Variants in ULK4 observed in about 807,000 individuals in gnomAD.
ULK4 encodes the protein inactive serine/threonine-protein kinase ULK4.
Under a neutral mutation model 160.6 loss-of-function variants are expected in ULK4, and 133 were observed. The observed-to-expected ratio is 0.83, with a 90% CI of 0.72 to 0.96. ULK4 has a LOEUF of 0.96. Among genes scored for constraint, ULK4 ranks in the 40% least tolerant of loss-of-function variants. The pLI, the probability that ULK4 is intolerant of heterozygous loss-of-function variation, is 0.00. For missense variants in ULK4, 1,580 were observed against 1,499.5 expected (o/e 1.05, Z -0.89); for synonymous variants, 534 against 539.8 (o/e 0.99, Z 0.15).
intron 7 of ULK4, 80 bp downstream of exon 7, chr3:41,918,374 CAAT>C (rs1699046037): frequency 1.2e-6 from 1 of 847,148 alleles, no homozygotes; most frequent in Admixed American, 3.0e-5. Context: ...AGTTATGAAT[CAAT>C]AAAAGCAAAC....
chr3:41,813,947 G>A (rs2040890056), intron 19 of ULK4, among the ~76,000 whole-genome samples: 1 of 152,210 alleles, frequency 6.6e-6, no homozygotes, highest in Non-Finnish European at 1.5e-5. Context: ...GAGTTGCCCA[G>A]TGTGTCTTGG....
intron 29 of ULK4, among the ~76,000 whole-genome samples, chr3:41,678,225 C>G (rs1262250510): frequency 6.8e-5 from 10 of 146,648 alleles, no homozygotes; most frequent in Non-Finnish European, 1.0e-4. Flanking sequence ...CACACACACA[C>G]AGAGCTCCTA....
chr3:41,296,476 T>C (rs2125707272), intron 35 of ULK4, among the ~76,000 whole-genome samples: 1 of 152,248 alleles, frequency 6.6e-6, no homozygotes, highest in African/African-American at 2.4e-5. Context: ...TCCTGGCCGA[T>C]GCTGGGGTCA....
At chr3:41,408,801 C>G (rs9833414) in intron 34 of ULK4, among the ~76,000 whole-genome samples, 32,791 of 152,044 alleles carry the variant, frequency 0.22, 3,961 homozygotes, top group African/African-American at 0.32. Context: ...CCCAGACAAA[C>G]CTTTACATAT....
At chr3:41,296,997 T>C (rs969115414) in intron 35 of ULK4, among the ~76,000 whole-genome samples, 3 of 152,162 alleles carry the variant, frequency 2.0e-5, no homozygotes, top group Non-Finnish European at 4.4e-5. Flanking sequence ...TCATCCCACA[T>C]GTTTTCCTGT....
At chr3:41,268,192 T>C (rs1308699644) in intron 35 of ULK4, among the ~76,000 whole-genome samples, 10 of 152,178 alleles carry the variant, frequency 6.6e-5, no homozygotes, top group East Asian at 1.9e-4. Context: ...ACAATGTCAA[T>C]AGTGCCGAGG....
At chr3:41,736,158 G>A (rs1438424602) in intron 22 of ULK4, among the ~76,000 whole-genome samples, 1 of 151,616 alleles carries the variant, frequency 6.6e-6, no homozygotes, top group African/African-American at 2.4e-5. Flanking sequence ...ACATACGTGT[G>A]CATGTGTCTT....
intron 21 of ULK4, among the ~76,000 whole-genome samples, chr3:41,771,592 T>G (rs1253699006): frequency 6.6e-6 from 1 of 151,798 alleles, no homozygotes; most frequent in East Asian, 1.9e-4. Flanking sequence ...TTACAATGCT[T>G]TTCCTTTCAA....
intron 17 of ULK4, among the ~76,000 whole-genome samples, chr3:41,877,213 G>T (rs1178595916): frequency 6.6e-6 from 1 of 151,870 alleles, no homozygotes; most frequent in Non-Finnish European, 1.5e-5. Context: ...TATCCCAAGG[G>T]AAAAAAAGTA....
chr3:41,731,675 G>GA (rs2037829471), intron 22 of ULK4, among the ~76,000 whole-genome samples: 1 of 136,966 alleles, frequency 7.3e-6, no homozygotes, highest in African/African-American at 3.2e-5. Flanking sequence ...CAATTTTGGG[G>GA]GAAAAAAAAA....
At chr3:41,921,724 C>T (rs937816222) in intron 5 of ULK4, among the ~76,000 whole-genome samples, 6 of 152,162 alleles carry the variant, frequency 3.9e-5, no homozygotes, top group Non-Finnish European at 5.9e-5. Flanking sequence ...ATACACAAAA[C>T]AGTATATTAT....
chr3:41,594,049 G>C (rs2031532284), intron 31 of ULK4, among the ~76,000 whole-genome samples: 1 of 151,854 alleles, frequency 6.6e-6, no homozygotes, highest in East Asian at 1.9e-4. Flanking sequence ...TGTCGAAAGA[G>C]AGAAAAGAGA....
intron 17 of ULK4, among the ~76,000 whole-genome samples, chr3:41,845,872 A>G (rs1358370687): frequency 6.6e-6 from 1 of 152,168 alleles, no homozygotes; most frequent in Non-Finnish European, 1.5e-5. Flanking sequence ...AAAACTGTCA[A>G]CCTCATATTA....
At chr3:41,897,779 T>C (rs1457353012) in intron 14 of ULK4, among the ~76,000 whole-genome samples, 1 of 152,198 alleles carries the variant, frequency 6.6e-6, no homozygotes, top group Non-Finnish European at 1.5e-5. Flanking sequence ...AGCTGGTTTA[T>C]TTAAACCTAA....
intron 17 of ULK4, among the ~76,000 whole-genome samples, chr3:41,875,781 C>T (rs1268718751): frequency 6.6e-6 from 1 of 151,740 alleles, no homozygotes; most frequent in Non-Finnish European, 1.5e-5. Context: ...GCTCTTATTG[C>T]ATACATCACA....
At position 41,824,118 on chromosome 3, in the gene ULK4, A is replaced by G. The variant is rs151184694; in HGVS notation, c.1765-4612T>C. On this transcript the variant is annotated intron_variant, in intron 18 of 36. Coordinates refer to ENST00000301831, the MANE Select transcript of ULK4 (RefSeq NM_017886.4). Reference sequence around the variant, plus strand: ...GTGGGGGTTGCAGTGAGCCAAGATTATGTCACTGCATTCCAGCCTGGGTGA... The same window carrying G: ...GTGGGGGTTGCAGTGAGCCAAGATTGTGTCACTGCATTCCAGCCTGGGTGA... Among the ~76,000 whole-genome samples, 456 of 146,044 alleles carry G rather than the reference A, an allele frequency of 3.1e-3. 3 individuals are homozygous for G. The highest frequency in any genetic ancestry group is 0.011 in the African/African-American group (432 of 38,930).
intron 30 of ULK4, among the ~76,000 whole-genome samples, chr3:41,630,956 C>G (rs1385452198): frequency 2.6e-5 from 4 of 152,164 alleles, no homozygotes; most frequent in African/African-American, 9.7e-5. Flanking sequence ...ACATAATTTA[C>G]CAGTCTAGTG....
intron 16 of ULK4, among the ~76,000 whole-genome samples, chr3:41,885,610 T>C (rs1697692919): frequency 6.6e-6 from 1 of 152,148 alleles, no homozygotes; most frequent in East Asian, 1.9e-4. Context: ...CTGCTCAATA[T>C]AGTATCCACT....
intron 17 of ULK4, among the ~76,000 whole-genome samples, chr3:41,847,775 C>T (rs2042105986): frequency 6.6e-6 from 1 of 152,082 alleles, no homozygotes; most frequent in South Asian, 2.1e-4. Context: ...ATCTTAGATT[C>T]CTTTGGATGC....
Sources: allele counts gnomAD v4.1 joint callset (sites outside exome capture counted in the v4.1 genomes callset), GRCh38; gene constraint gnomAD v4.1.1; transcripts MANE v1.5; gene names NCBI Gene and HGNC (gene_info 2026-07-23, HGNC 2026-07-21).